ATG7: variants seen among roughly 807,000 people sequenced by gnomAD.
ATG7 encodes the protein autophagy related 7, also known as ubiquitin-like modifier-activating enzyme ATG7.
Under a neutral mutation model 82.4 loss-of-function variants are expected in ATG7, and 70 were observed. The ratio of observed to expected loss-of-function variants is 0.85; its 90% CI spans 0.70 to 1.04. The LOEUF is 1.04. Among genes scored for constraint, ATG7 ranks in the 50% least tolerant of loss-of-function variants. The probability of loss-of-function intolerance (pLI) is 0.00; values close to 1 mark genes in which losing one functional copy is unlikely to be tolerated. For missense variants in ATG7, 792 were observed against 864.3 expected (o/e 0.92, Z 1.05); for synonymous variants, 287 against 313.0 (o/e 0.92, Z 0.88).
intron 20 of ATG7, among the ~76,000 whole-genome samples, chr3:11,436,268 G>A (rs941180783): frequency 5.9e-5 from 9 of 152,020 alleles, no homozygotes; most frequent in African/African-American, 2.2e-4. Context: ...TGAAACTACT[G>A]TGAGATGGCA....
intron 20 of ATG7, among the ~76,000 whole-genome samples, chr3:11,513,924 T>G (rs894765398): frequency 6.6e-6 from 1 of 152,236 alleles, no homozygotes; most frequent in Non-Finnish European, 1.5e-5. Flanking sequence ...GGCAGCATCT[T>G]GCTGTGTCAC....
chr3:11,510,738 G>A (rs1050941361), intron 20 of ATG7, among the ~76,000 whole-genome samples: 1 of 152,066 alleles, frequency 6.6e-6, no homozygotes, highest in Non-Finnish European at 1.5e-5. Context: ...TAGTGTTTTT[G>A]GCCATACTGT....
chr3:11,574,592 A>C, the ATG7 span, among the ~76,000 whole-genome samples: 2 of 152,200 alleles, frequency 1.3e-5, no homozygotes, highest in South Asian at 4.1e-4. Context: ...AGACCACTGT[A>C]GGGTGACTGC....
At chr3:11,384,469 A>T (rs1194901899) in intron 19 of ATG7, among the ~76,000 whole-genome samples, 1 of 152,198 alleles carries the variant, frequency 6.6e-6, no homozygotes, top group Non-Finnish European at 1.5e-5. Context: ...AAACTCCTCA[A>T]AGTGACTTGC....
intron 19 of ATG7, among the ~76,000 whole-genome samples, chr3:11,418,599 T>G (rs1234303855): frequency 2.6e-5 from 4 of 152,200 alleles, no homozygotes; most frequent in Non-Finnish European, 5.9e-5. Context: ...TAGCAATTTT[T>G]GTCAGCTACA....
chr3:11,358,505 G>C lies in ATG7; in HGVS notation c.1372G>C (p.Val458Leu). The C allele has an allele frequency of 6.2e-7, 1 of 1,614,168 alleles. No individual in the cohort carries two copies. Among genetic ancestry groups the C allele is most frequent in the South Asian group, 1.1e-5 (1 of 91,088 alleles). ...CACTCTGGAGCAAGCCCGCAGAGAT[G>C]TGGAGCAACTGGAGCAGCTCATCGA... ...SVTLEQARRD[V>L]EQLEQLIESH... The change falls in exon 15 of 21, where the codon GTG becomes CTG. Residue 458 changes from valine (V) to leucine (L), a missense_variant. Physicochemically the swap from Val to Leu is conservative, Grantham distance 32 (BLOSUM62 1). Transcript: ENST00000693202.
At chr3:11,335,455 G>T (rs1026447862) in intron 11 of ATG7, among the ~76,000 whole-genome samples, 2 of 152,154 alleles carry the variant, frequency 1.3e-5, no homozygotes, top group Admixed American at 1.3e-4. Context: ...CACACTCAAA[G>T]CTGTCCTGGG....
intron 20 of ATG7, among the ~76,000 whole-genome samples, chr3:11,512,715 G>A (rs186334547): frequency 6.6e-6 from 1 of 152,336 alleles, no homozygotes; most frequent in East Asian, 1.9e-4. Context: ...AGAGTGAGCA[G>A]TAGCAAGATT....
At chr3:11,571,991 C>T in the ATG7 span, among the ~76,000 whole-genome samples, 6 of 152,176 alleles carry the variant, frequency 3.9e-5, no homozygotes, top group Non-Finnish European at 5.9e-5. Context: ...CCTGCAGCCC[C>T]AGCTACTCTG....
intron 20 of ATG7, among the ~76,000 whole-genome samples, chr3:11,437,617 A>C (rs898658172): frequency 6.6e-6 from 1 of 152,202 alleles, no homozygotes; most frequent in African/African-American, 2.4e-5. Flanking sequence ...AATATACCAG[A>C]AAGTTGAATG....
chr3:11,555,820 C>CTATT lies in ATG7; in HGVS notation c.*979_*982dup, dbSNP rs2072350649. The stretch of plus-strand genomic sequence containing the variant: ...CGTGTAGAGGGCATCGTCTTTCCTG[C>CTATT]TATTTTATTCTTTCAGCTTTTGTCT... On this transcript the variant is annotated 3_prime_UTR_variant, in exon 21 of 21. Coordinates refer to ENST00000693202, the MANE Select transcript of ATG7 (RefSeq NM_001349232.2). The CTATT allele has an allele frequency of 6.6e-6, 1 of 152,210 alleles. No homozygotes were observed. The highest frequency in any genetic ancestry group is 2.4e-5 in the African/African-American group (1 of 41,398). 9.4% of individuals were successfully genotyped at this position (152,210 alleles called of 1,614,324 possible).
chr3:11,276,178 C>T (rs541401531), intron 1 of ATG7, among the ~76,000 whole-genome samples: 1 of 152,182 alleles, frequency 6.6e-6, no homozygotes, highest in African/African-American at 2.4e-5. Flanking sequence ...TTGACTTTTG[C>T]TCCACTAAGT....
the ATG7 span, among the ~76,000 whole-genome samples, chr3:11,565,368 T>C: frequency 1.3e-5 from 2 of 152,118 alleles, no homozygotes; most frequent in African/African-American, 4.8e-5. This position sits in a 1 kb window ranked among gnomAD's most constrained non-coding sequence, Gnocchi z 4.1. Context: ...GGACCTGCCA[T>C]TTGGACAGGA....
At chr3:11,347,852 A>C in intron 13 of ATG7, 25 bp from the exon 14 acceptor site, 1 of 1,606,120 alleles carries the variant, frequency 6.2e-7, no homozygotes, top group Non-Finnish European at 8.5e-7. Context: ...TCAGAAACAC[A>C]CCATGATCTC....
chr3:11,430,849 A>G (rs2082808656), intron 20 of ATG7, among the ~76,000 whole-genome samples: 7 of 152,268 alleles, frequency 4.6e-5, no homozygotes, highest in Admixed American at 2.0e-4. Flanking sequence ...CAGGAAGAGA[A>G]CAAATATTTC....
At chr3:11,422,899 C>G (rs1256380494) in intron 19 of ATG7, among the ~76,000 whole-genome samples, 1 of 151,822 alleles carries the variant, frequency 6.6e-6, no homozygotes, top group Non-Finnish European at 1.5e-5. Context: ...GGATTACAGG[C>G]GTGCGCCACT....
chr3:11,328,081 G>A (rs866496601), intron 9 of ATG7, among the ~76,000 whole-genome samples: 13 of 152,298 alleles, frequency 8.5e-5, no homozygotes, highest in Middle Eastern at 3.4e-3. Flanking sequence ...TGGACCAGCT[G>A]CATCAGAATT....
At chr3:11,437,034 T>C (rs2083429832) in intron 20 of ATG7, among the ~76,000 whole-genome samples, 1 of 152,220 alleles carries the variant, frequency 6.6e-6, no homozygotes, top group South Asian at 2.1e-4. Flanking sequence ...AATTCTATAC[T>C]CTGAATGGAT....
At chr3:11,394,344 G>C (rs1383799474) in intron 19 of ATG7, among the ~76,000 whole-genome samples, 2 of 152,184 alleles carry the variant, frequency 1.3e-5, no homozygotes, top group Non-Finnish European at 2.9e-5. Flanking sequence ...CTCTCTTACT[G>C]AAGTCACCTT....
Sources: allele counts gnomAD v4.1 joint callset (sites outside exome capture counted in the v4.1 genomes callset), GRCh38; gene constraint gnomAD v4.1.1; non-coding constraint Gnocchi (gnomAD v3.1); transcripts MANE v1.5; gene names NCBI Gene and HGNC (gene_info 2026-07-23, HGNC 2026-07-21).